Variants in PCDHGA1 observed in about 807,000 individuals in gnomAD.
PCDHGA1 encodes protocadherin gamma subfamily A, 1.
Under a neutral mutation model 58.0 loss-of-function variants are expected in PCDHGA1, and 32 were observed. The ratio of observed to expected loss-of-function variants is 0.55; its 90% CI spans 0.42 to 0.74. The LOEUF (loss-of-function observed/expected upper bound fraction) is 0.74. Ranked by LOEUF, PCDHGA1 falls within the 30% of genes least tolerant of loss-of-function variation. The pLI, the probability that PCDHGA1 is intolerant of heterozygous loss-of-function variation, is 0.00. For missense variants in PCDHGA1, 1,205 were observed against 1,182.3 expected (o/e 1.02, Z -0.28); for synonymous variants, 498 against 501.1 (o/e 0.99, Z 0.08).
intron 1 of PCDHGA1, among the ~76,000 whole-genome samples, chr5:141,464,715 T>C (rs1013508667): frequency 2.0e-5 from 3 of 152,090 alleles, no homozygotes; most frequent in Admixed American, 2.0e-4. Flanking sequence ...AAATAGTTTT[T>C]CATATGTTTA....
intron 1 of PCDHGA1, chr5:141,389,046 G>A: frequency 1.9e-6 from 3 of 1,613,888 alleles, no homozygotes; most frequent in African/African-American, 1.3e-5. Context: ...GGAAGGTGAT[G>A]TTCCATTTAA....
chr5:141,370,877 T>C (rs372858299), intron 1 of PCDHGA1: 41 of 1,614,038 alleles, frequency 2.5e-5, no homozygotes, highest in Middle Eastern at 1.6e-4. Flanking sequence ...AAGATCCTGA[T>C]GTAGGTGTCA....
At chr5:141,350,305 G>C in intron 1 of PCDHGA1, 1 of 1,521,886 alleles carries the variant, frequency 6.6e-7, no homozygotes, top group South Asian at 1.3e-5. Context: ...GTCAGGTACT[G>C]TTTCCCTTCC....
In PCDHGA1 at chr5:141,485,145, A is replaced by G. The variant is rs766014792; in HGVS notation, c.2422-9662A>G. On this transcript the variant is annotated intron_variant, in intron 1 of 3. Coordinates refer to ENST00000517417, the MANE Select transcript of PCDHGA1 (RefSeq NM_018912.3). The surrounding 1 kb of genome is among the most constrained non-coding windows in gnomAD (Gnocchi z 5.7). Reference sequence around the variant, plus strand: ...GGGTCGGCTTCATCCGCGTCTCAGGAGCAAGTAGAGAATTAGCGGGCGGCA... The same window carrying G: ...GGGTCGGCTTCATCCGCGTCTCAGGGGCAAGTAGAGAATTAGCGGGCGGCA... The G allele has an allele frequency of 4.5e-6, 7 of 1,567,410 alleles. No individual in the cohort carries two copies. Among genetic ancestry groups the G allele is most frequent in the Non-Finnish European group, 6.1e-6 (7 of 1,142,014 alleles).
intron 1 of PCDHGA1, chr5:141,365,726 C>T (rs1266306756): frequency 6.2e-7 from 1 of 1,613,804 alleles, no homozygotes; most frequent in East Asian, 2.2e-5. Flanking sequence ...AGAAAACAAT[C>T]CCAGAGGTGT....
At position 141,476,902 on chromosome 5, in the gene PCDHGA1, C is replaced by T. The variant is rs1399250599; in HGVS notation, c.2422-17905C>T. ...TGGAGGATGCACCCTCCGGCACGCG[C>T]GTGGTACAAGTCCTTGCAACGGATC... On this transcript the variant is annotated intron_variant, in intron 1 of 3. Transcript: ENST00000517417. This position sits in a 1 kb window ranked among gnomAD's most constrained non-coding sequence, Gnocchi z 7.6. 2 of 1,613,998 alleles carry T rather than the reference C, an allele frequency of 1.2e-6. No individual in the cohort carries two copies. The highest frequency in any genetic ancestry group is 1.7e-6 in the Non-Finnish European group (2 of 1,180,034).
chr5:141,382,964 C>T (rs373652237), intron 1 of PCDHGA1: 3 of 1,608,120 alleles, frequency 1.9e-6, no homozygotes, highest in Non-Finnish European at 8.5e-7. Context: ...CTCCTGGGGA[C>T]CCCCTGGGAA....
At chr5:141,415,479 A>G (rs750765604) in intron 1 of PCDHGA1, 19 of 1,613,988 alleles carry the variant, frequency 1.2e-5, no homozygotes, top group South Asian at 2.2e-5. Flanking sequence ...CGGACTCGCG[A>G]AAGAGTCACC....
intron 1 of PCDHGA1, chr5:141,366,265 C>G (rs756734800): frequency 6.2e-7 from 1 of 1,613,566 alleles, no homozygotes; most frequent in Non-Finnish European, 8.5e-7. Context: ...TCGTGGTGGC[C>G]GTCGAAGACC....
chr5:141,400,245 C>T (rs778709619), intron 1 of PCDHGA1: 66 of 1,613,878 alleles, frequency 4.1e-5, no homozygotes, highest in African/African-American at 4.0e-5. Context: ...TGATTCTGGC[C>T]GTTGCCTTGC....
chr5:141,372,131 G>A lies in PCDHGA1; in HGVS notation c.2421+39026G>A, dbSNP rs181587030. 4.2e-4 allele frequency: 682 copies of A among 1,613,644 alleles called. 9 individuals are homozygous for A. The East Asian group carries it at 8.2e-3, about 19-fold the overall frequency. On this transcript the variant is annotated intron_variant, in intron 1 of 3. Transcript: ENST00000517417. ...GCTCTGCGCTCTTCGATATGGTGCCGCGCTCTGCAGAGCCTGGCTACCTGG... is the reference window on the plus strand; with the variant it reads ...GCTCTGCGCTCTTCGATATGGTGCCACGCTCTGCAGAGCCTGGCTACCTGG...
rs1320150539 is a variant in PCDHGA1 at position 141,331,080 on chromosome 5, A to G, written c.396A>G (p.Gln132=). Residue 132 remains glutamine, a synonymous_variant, in exon 1 of 4, where the codon CAA becomes CAG. Transcript: ENST00000517417. ...EIIDINDNTP[Q]FQLEELEFKM... is the part of the protein sequence containing the mutation. ...TTGATATTAATGACAACACTCCCCAATTCCAGTTAGAGGAACTGGAGTTTA... is the reference window on the plus strand; with the variant it reads ...TTGATATTAATGACAACACTCCCCAGTTCCAGTTAGAGGAACTGGAGTTTA... 2 of 1,612,830 alleles carry G rather than the reference A, an allele frequency of 1.2e-6. No homozygotes were observed. The highest frequency in any genetic ancestry group is 2.2e-5 in the East Asian group (1 of 44,808).
chr5:141,461,732 A>G (rs945368729), intron 1 of PCDHGA1, among the ~76,000 whole-genome samples: 5 of 152,154 alleles, frequency 3.3e-5, no homozygotes, highest in Non-Finnish European at 5.9e-5. Context: ...GTGCAGTGGC[A>G]CAATCCCGGC....
At chr5:141,392,957 C>T in intron 1 of PCDHGA1, 1 of 1,613,932 alleles carries the variant, frequency 6.2e-7, no homozygotes, top group Non-Finnish European at 8.5e-7. Flanking sequence ...TGGGTAATAT[C>T]TCCAAGGACC....
In PCDHGA1 at chr5:141,404,772, G is replaced by A. The variant is rs764262966; in HGVS notation, c.2421+71667G>A. On this transcript the variant is annotated intron_variant, in intron 1 of 3. Transcript: ENST00000517417. ...GGCCAGAATGCTTGGCTCTCCTACC[G>A]CCTATTCAAGGCCAGTGAGCCAGGG... The A allele has an allele frequency of 9.9e-6, 16 of 1,613,820 alleles. No individual in the cohort carries two copies. The highest frequency in any genetic ancestry group is 5.0e-5 in the Admixed American group (3 of 60,000).
At chr5:141,343,389 G>A (rs1396878214) in intron 1 of PCDHGA1, 2 of 981,314 alleles carry the variant, frequency 2.0e-6, no homozygotes, top group Admixed American at 1.2e-4. Context: ...TCAAAGAGGA[G>A]GTGGATATCT....
intron 1 of PCDHGA1, chr5:141,372,064 A>G (rs534724571): frequency 1.2e-6 from 2 of 1,613,610 alleles, no homozygotes; most frequent in Non-Finnish European, 1.7e-6. Context: ...GACCGCAACG[A>G]CAATGCACCG....
Position 141,431,601 on chromosome 5 carries a change from T to G in PCDHGA1, c.2422-63206T>G. 1 of 1,614,202 alleles carries G rather than the reference T, an allele frequency of 6.2e-7. No homozygotes were observed. Among genetic ancestry groups the G allele is most frequent in the Non-Finnish European group, 8.5e-7 (1 of 1,180,032 alleles). On this transcript the variant is annotated intron_variant, in intron 1 of 3. Transcript: ENST00000517417. The surrounding 1 kb of genome is among the most constrained non-coding windows in gnomAD (Gnocchi z 4.8). Reference sequence around the variant, plus strand: ...GTCAATGCGGAAGTGAGGTATTCCTTCCGGTATGTGGACGACAAGGCGGCC... The same window carrying G: ...GTCAATGCGGAAGTGAGGTATTCCTGCCGGTATGTGGACGACAAGGCGGCC...
At chr5:141,420,088 C>T in intron 1 of PCDHGA1, 5 of 1,614,002 alleles carry the variant, frequency 3.1e-6, no homozygotes, top group Non-Finnish European at 4.2e-6. Context: ...CCCCCAACTA[C>T]AGTGAGGGAA....
Sources: gnomAD v4.1 joint callset for allele counts (sites outside exome capture counted in the v4.1 genomes callset) on GRCh38, gnomAD v4.1.1 for gene constraint, Gnocchi (gnomAD v3.1) non-coding constraint, MANE v1.5 for transcripts, NCBI Gene and HGNC (gene_info 2026-07-23, HGNC 2026-07-21) for gene names.